DHX38: variants seen among roughly 807,000 people sequenced by gnomAD.
DHX38 encodes pre-mRNA-splicing factor ATP-dependent RNA helicase PRP16.
DHX38 carries 100 observed loss-of-function variants against 153.1 expected under a neutral mutation model. The observed-to-expected ratio is 0.65, with a 90% CI of 0.56 to 0.77. DHX38 has a LOEUF of 0.77. DHX38 is among the 30% of genes least tolerant of loss of function. DHX38 has a pLI of 0.00. For missense variants in DHX38, 1,440 were observed against 1,654.0 expected, an observed-to-expected ratio of 0.87 and a Z score of 2.24; for synonymous variants, 650 against 631.7, an observed-to-expected ratio of 1.03 and a Z score of -0.43.
In DHX38 at chr16:72,107,870, C is replaced by T. The variant is rs2042201495; in HGVS notation, c.2964+71C>T. On this transcript the variant is annotated intron_variant, in intron 21 of 26. Coordinates refer to ENST00000268482, the MANE Select transcript of DHX38 (RefSeq NM_014003.4). This position sits in a 1 kb window ranked among gnomAD's most constrained non-coding sequence, Gnocchi z 5.3. ...TGTTGGGGAGGGGAATGGCTTCTCT[C>T]TGTATTACTGAAATGGAACAGAGGG... 2.6e-6 allele frequency: 4 copies of T among 1,552,324 alleles called. No individual in the cohort carries two copies. Among genetic ancestry groups the T allele is most frequent in the Non-Finnish European group, 3.5e-6 (4 of 1,146,884 alleles).
intron 2 of DHX38, 115 bp downstream of exon 2, chr16:72,096,595 A>G: frequency 2.0e-6 from 3 of 1,465,088 alleles, no homozygotes; most frequent in Middle Eastern, 2.5e-4. Context: ...TGATTTTATT[A>G]TGATTCTGTA....
Position 72,107,195 on chromosome 16 carries a change from T to G in DHX38, c.2601-145T>G. On this transcript the variant is annotated intron_variant, in intron 19 of 26. Coordinates refer to ENST00000268482, the MANE Select transcript of DHX38 (RefSeq NM_014003.4). The surrounding 1 kb of genome is among the most constrained non-coding windows in gnomAD (Gnocchi z 5.3). ...GAAGGGCTAAATTGGCAGATTGGAG[T>G]TTTGAATAGGTGGAAGTCAGTGATT... 4 of 820,868 alleles carry G rather than the reference T, an allele frequency of 4.9e-6. No homozygotes were observed. Among genetic ancestry groups the G allele is most frequent in the East Asian group, 2.7e-5 (1 of 37,052 alleles). The allele number at this position is 820,868 out of a possible 1,614,324, so 50.8% of individuals were successfully genotyped here.
chr16:72,094,394 C>T (rs1765830909), intron 1 of DHX38: 1 of 152,262 alleles, frequency 6.6e-6, no homozygotes, highest in African/African-American at 2.4e-5. Context: ...TGCTCTCTCA[C>T]AGTGTCATTT....
chr16:72,108,453 G>A lies in DHX38; in HGVS notation c.3121-20G>A, dbSNP rs1386623499. 2 of 1,613,932 alleles carry A rather than the reference G, an allele frequency of 1.2e-6. No individual in the cohort carries two copies. The highest frequency in any genetic ancestry group is 4.5e-5 in the East Asian group (2 of 44,878). On this transcript the variant is annotated intron_variant, in intron 22 of 26. Coordinates refer to ENST00000268482, the MANE Select transcript of DHX38 (RefSeq NM_014003.4). The stretch of plus-strand genomic sequence containing the variant: ...GAGGAAAGGAGGGCTCCCTCCTGGT[G>A]CCTCCGTCTCCTGCCCTAGGTCCGG...
Position 72,112,694 on chromosome 16 carries a change from C to G in DHX38, c.*197C>G. The G allele has an allele frequency of 1.4e-6, 1 of 720,674 alleles. No homozygotes were observed. The highest frequency in any genetic ancestry group is 1.5e-5 in the South Asian group (1 of 68,014). The allele number at this position is 720,674 out of a possible 1,614,324, so 44.6% of individuals were successfully genotyped here. Reference sequence around the variant, plus strand: ...TCTTCCATGCAGGAGCACGGCATGGCGGGAGCGGGGCTGCAGAGTATCCGA... The same window carrying G: ...TCTTCCATGCAGGAGCACGGCATGGGGGGAGCGGGGCTGCAGAGTATCCGA... On this transcript the variant is annotated 3_prime_UTR_variant, in exon 27 of 27. Transcript: ENST00000268482.
intron 7 of DHX38, 133 bp from the exon 8 acceptor site, chr16:72,099,599 C>T: frequency 7.8e-7 from 1 of 1,284,716 alleles, no homozygotes; most frequent in Non-Finnish European, 1.1e-6. Context: ...AGGGAGGCCT[C>T]TCCTGCACCC....
At chr16:72,098,130 CAG>C (rs2042046916) in intron 4 of DHX38, among the ~76,000 whole-genome samples, 1 of 152,194 alleles carries the variant, frequency 6.6e-6, no homozygotes, top group South Asian at 2.1e-4. Context: ...GTCATAAACA[CAG>C]AATGCAAACT....
At chr16:72,106,175 G>T (rs912156427) in intron 19 of DHX38, 58 bp downstream of exon 19, 14 of 1,552,352 alleles carry the variant, frequency 9.0e-6, no homozygotes, top group Non-Finnish European at 1.2e-5. Flanking sequence ...TGAGCGTGGA[G>T]CCCGGGCGGG....
At position 72,104,472 on chromosome 16, in the gene DHX38, G is replaced by A. The variant is rs762674405; in HGVS notation, c.2011-14G>A. ...TCCCCACCATGGGGGCCTCCGAGCCGCCTCTTCTCTCAGGTAGTGGCTCGG... is the reference window on the plus strand; with the variant it reads ...TCCCCACCATGGGGGCCTCCGAGCCACCTCTTCTCTCAGGTAGTGGCTCGG... On this transcript the variant is annotated splice_polypyrimidine_tract_variant and intron_variant, in intron 14 of 26. Coordinates refer to ENST00000268482, the MANE Select transcript of DHX38 (RefSeq NM_014003.4). This position sits in a 1 kb window ranked among gnomAD's most constrained non-coding sequence, Gnocchi z 4.5. 31 of 1,612,752 alleles carry A rather than the reference G, an allele frequency of 1.9e-5. No individual in the cohort carries two copies. The highest frequency in any genetic ancestry group is 4.0e-5 in the African/African-American group (3 of 74,882).
Position 72,096,412 on chromosome 16 carries a change from C to A in DHX38, c.255C>A (p.Ser85Arg), listed in dbSNP as rs752261317. The A allele has an allele frequency of 1.9e-6, 3 of 1,613,874 alleles. No individual in the cohort carries two copies. Among genetic ancestry groups the A allele is most frequent in the Non-Finnish European group, 2.5e-6 (3 of 1,179,988 alleles). Residue 85 changes from serine (S) to arginine (R), a missense_variant, in exon 2 of 27, where the codon AGC (serine) becomes AGA (arginine). Transcript: ENST00000268482. Reference protein sequence around the residue: ...KVSSYKDWEESKDDQKDAEEE... With the variant: ...KVSSYKDWEERKDDQKDAEEE... ...CCTCCTACAAGGACTGGGAAGAGAG[C>A]AAGGATGACCAGAAGGATGCTGAGG...
Position 72,105,279 on chromosome 16 carries a change from G to T in DHX38, c.2310G>T (p.Ala770=), listed in dbSNP as rs141229875. The T allele has an allele frequency of 3.7e-6, 6 of 1,614,152 alleles. No homozygotes were observed. Among genetic ancestry groups the T allele is most frequent in the Non-Finnish European group, 5.1e-6 (6 of 1,180,024 alleles). The change falls in exon 17 of 27, where the codon GCG becomes GCT. Residue 770 remains alanine (A), a synonymous_variant. Transcript: ENST00000268482. ...AGCATCTGGAGGAACTGGAGAACGC[G>T]CCTGCCCTGGCTGTGCTGCCCATCT... The part of the protein sequence containing the change: ...IVEHLEELEN[A]PALAVLPIYS...
Position 72,111,058 on chromosome 16 carries a change from A to G in DHX38, c.3580A>G (p.Ser1194Gly). 1 of 1,568,804 alleles carries G rather than the reference A, an allele frequency of 6.4e-7. No individual in the cohort carries two copies. The highest frequency in any genetic ancestry group is 1.2e-5 in the South Asian group (1 of 85,280). The change falls in exon 26 of 27, where the codon AGC becomes GGC. Residue 1194 changes from serine (S) to glycine (G), a missense_variant. Physicochemically the swap from Ser to Gly is moderately conservative, Grantham distance 56 (BLOSUM62 0). Transcript: ENST00000268482. ...CCGGCGGCAGGAGCAGGAGAAGCGC[A>G]GCCCCCTGGGCAGTGTCAGGTGAGC... The part of the protein sequence containing the change: ...RARRQEQEKR[S>G]PLGSVRSTKI...
At chr16:72,111,383 G>C (rs1035380228) in intron 26 of DHX38, among the ~76,000 whole-genome samples, 5 of 152,202 alleles carry the variant, frequency 3.3e-5, no homozygotes, top group Admixed American at 3.3e-4. Flanking sequence ...TGAGAAGTGC[G>C]CCTTGGGCTT....
chr16:72,102,814 G>A (rs1188218957), intron 11 of DHX38, among the ~76,000 whole-genome samples: 1 of 152,172 alleles, frequency 6.6e-6, no homozygotes, highest in Non-Finnish European at 1.5e-5. Flanking sequence ...TGCTAATATG[G>A]TGATCTGTAA....
At chr16:72,108,659 CAA>C in intron 23 of DHX38, 52 bp downstream of exon 23, 2 of 1,596,284 alleles carry the variant, frequency 1.3e-6, no homozygotes, top group Non-Finnish European at 1.7e-6. Flanking sequence ...TGTATAAGGG[CAA>C]AGTTCTTCCT....
intron 1 of DHX38, 146 bp downstream of exon 1, chr16:72,094,197 A>C (rs1439053969): frequency 6.5e-6 from 1 of 152,836 alleles, no homozygotes; most frequent in Non-Finnish European, 1.5e-5. Flanking sequence ...TACTCACCTC[A>C]GGGATGCTGC....
intron 22 of DHX38, 45 bp from the exon 23 acceptor site, chr16:72,108,428 G>C: frequency 6.2e-7 from 1 of 1,613,694 alleles, no homozygotes; most frequent in Non-Finnish European, 8.5e-7. Context: ...GGAGGGTCGA[G>C]AGGAAAGGAG....
intron 1 of DHX38, among the ~76,000 whole-genome samples, chr16:72,095,813 C>T (rs1208881490): frequency 6.6e-6 from 1 of 152,124 alleles, no homozygotes; most frequent in Non-Finnish European, 1.5e-5. Flanking sequence ...CAGCTGCTGA[C>T]ATCAGGCTCT....
At chr16:72,098,526 A>G (rs1178396653) in intron 4 of DHX38, 119 bp from the exon 5 acceptor site, 9 of 1,287,382 alleles carry the variant, frequency 7.0e-6, no homozygotes, top group Non-Finnish European at 9.6e-6. Context: ...TTATAGATAC[A>G]TGCAAGGTTT....
Sources: allele counts gnomAD v4.1 joint callset (sites outside exome capture counted in the v4.1 genomes callset), GRCh38; gene constraint gnomAD v4.1.1; non-coding constraint Gnocchi (gnomAD v3.1); transcripts MANE v1.5; gene names NCBI Gene and HGNC (gene_info 2026-07-23, HGNC 2026-07-21).